The following LRP1 variants were observed in gnomAD, a reference collection of about 807,000 sequenced individuals.
LRP1 encodes prolow-density lipoprotein receptor-related protein 1.
A neutral mutation model predicts 541.5 loss-of-function variants in LRP1; 51 were observed. That is an observed-to-expected ratio of 0.09 (90% CI 0.08 to 0.12). The LOEUF is 0.12. Among genes scored for constraint, LRP1 ranks in the 10% least tolerant of loss-of-function variants. The pLI is 1.00. For missense variants in LRP1, 3,878 were observed against 6,376.2 expected (o/e 0.61, Z 13.34); for synonymous variants, 2,219 against 2,470.8 (o/e 0.90, Z 3.02).
Position 57,177,047 on chromosome 12 carries a change from C to G in LRP1, c.3998C>G (p.Thr1333Ser), listed in dbSNP as rs187549325. The change falls in exon 25 of 89, where the codon ACT becomes AGT. Residue 1333 changes from threonine to serine, a missense_variant. Transcript: ENST00000243077. This position sits in a 1 kb window ranked among gnomAD's most constrained non-coding sequence, Gnocchi z 6.8. ...RGKLLDNGAL[T>S]SFEVVIQYGL... The stretch of plus-strand genomic sequence containing the variant: ...ACTGCCCTCTCTTCTCCAGCCCTGA[C>G]TAGTTTCGAGGTGGTGATTCAGTAT... 6 of 1,613,862 alleles carry G rather than the reference C, an allele frequency of 3.7e-6. No homozygotes were observed. In the East Asian group the frequency reaches 8.9e-5, roughly 24 times the overall value.
At chr12:57,157,745 A>T (rs2035649436) in intron 10 of LRP1, among the ~76,000 whole-genome samples, 1 of 152,258 alleles carries the variant, frequency 6.6e-6, no homozygotes, top group African/African-American at 2.4e-5. Flanking sequence ...TCCCTGAGGG[A>T]GGAGCATGTC....
intron 45 of LRP1, 70 bp downstream of exon 45, chr12:57,193,040 T>G: frequency 6.3e-7 from 1 of 1,589,304 alleles, no homozygotes; most frequent in Admixed American, 1.7e-5. Context: ...CCATCTCCCC[T>G]ACATGCTCCA....
At chr12:57,180,535 T>A in intron 32 of LRP1, 56 bp downstream of exon 32, 1 of 1,609,044 alleles carries the variant, frequency 6.2e-7, no homozygotes, top group Admixed American at 1.7e-5. Context: ...CCAGACCTAC[T>A]GGGAGACAGG....
At chr12:57,194,810 C>A (rs752242787) in intron 50 of LRP1, 111 bp downstream of exon 50, 2 of 1,368,794 alleles carry the variant, frequency 1.5e-6, no homozygotes, top group Non-Finnish European at 2.0e-6. Context: ...CTTCAACCCC[C>A]TGCCCCACAC....
At chr12:57,208,335 C>G in intron 77 of LRP1, 119 bp downstream of exon 77, 1 of 1,100,932 alleles carries the variant, frequency 9.1e-7, no homozygotes, top group South Asian at 1.6e-5. Context: ...GGACAGAGTC[C>G]TTTTCAGTCC....
Position 57,173,813 on chromosome 12 carries a change from G to A in LRP1, c.3380G>A (p.Gly1127Asp). The change falls in exon 22 of 89, where the codon GGC (glycine) becomes GAC (aspartate). Residue 1127 changes from glycine (G) to aspartate (D), a missense_variant. Gly to Asp is a moderately conservative substitution (Grantham distance 94, BLOSUM62 -1). This residue lies in a region of LRP1 where 320 missense variants were observed against 547.9 expected (regional missense o/e 0.58). Transcript: ENST00000243077. This position sits in a 1 kb window ranked among gnomAD's most constrained non-coding sequence, Gnocchi z 4.7. ...ATCAGCAAAGCGTGGGTGTGTGATGGCGACAATGACTGTGAGGATAACTCG... is the reference window on the plus strand; with the variant it reads ...ATCAGCAAAGCGTGGGTGTGTGATGACGACAATGACTGTGAGGATAACTCG... ...RCISKAWVCD[G>D]DNDCEDNSDE... 3 of 1,614,230 alleles carry A rather than the reference G, an allele frequency of 1.9e-6. No homozygotes were observed. Among genetic ancestry groups the A allele is most frequent in the Non-Finnish European group, 1.7e-6 (2 of 1,180,048 alleles).
chr12:57,177,705 C>A lies in LRP1; in HGVS notation c.4361+114C>A, dbSNP rs776866437. The A allele has an allele frequency of 1.0e-5, 13 of 1,261,594 alleles. No individual in the cohort carries two copies. The highest frequency in any genetic ancestry group is 1.4e-5 in the Non-Finnish European group (13 of 913,144). The allele number at this position is 1,261,594 out of a possible 1,614,324, so 78.1% of individuals were successfully genotyped here. On this transcript the variant is annotated intron_variant, in intron 26 of 88. Coordinates refer to ENST00000243077, the MANE Select transcript of LRP1 (RefSeq NM_002332.3). The surrounding 1 kb of genome is among the most constrained non-coding windows in gnomAD (Gnocchi z 6.8). ...GGACCAAGGGATCTAGAACTAGGAACGGTGGCAAAGGACTGGGCACAGGAG... is the reference window on the plus strand; with the variant it reads ...GGACCAAGGGATCTAGAACTAGGAAAGGTGGCAAAGGACTGGGCACAGGAG...
intron 82 of LRP1, 31 bp from the exon 83 acceptor site, chr12:57,210,687 A>G: frequency 6.3e-7 from 1 of 1,592,044 alleles, no homozygotes; most frequent in South Asian, 1.1e-5. Context: ...CTCGAGGGCC[A>G]CAGTCGCGCT....
chr12:57,176,276 A>G (rs2036045167), intron 24 of LRP1, among the ~76,000 whole-genome samples, 170 bp downstream of exon 24: 1 of 152,260 alleles, frequency 6.6e-6, no homozygotes, highest in Non-Finnish European at 1.5e-5. Flanking sequence ...GACGCCCCGT[A>G]ATTATCGTCA....
chr12:57,154,303 A>C lies in LRP1; in HGVS notation c.937A>C (p.Thr313Pro). The C allele has an allele frequency of 6.2e-7, 1 of 1,614,218 alleles. No homozygotes were observed. Among genetic ancestry groups the C allele is most frequent in the Non-Finnish European group, 8.5e-7 (1 of 1,180,022 alleles). ...CTTTGTCTGCAACAGAAATGGGGAC[A>C]CATGTGTCACATTGCTAGACCTGGA... ...RIFVCNRNGD[T>P]CVTLLDLELY... Residue 313 changes from threonine to proline, a missense_variant, in exon 7 of 89, where the codon ACA (threonine) becomes CCA (proline). Thr to Pro is a conservative substitution (Grantham distance 38, BLOSUM62 -1). Around this residue, in one of 13 missense-constraint regions of LRP1, gnomAD observed 496 missense variants for 861.0 expected, o/e 0.58. Coordinates refer to ENST00000243077, the MANE Select transcript of LRP1 (RefSeq NM_002332.3). The surrounding 1 kb of genome is among the most constrained non-coding windows in gnomAD (Gnocchi z 4.6).
chr12:57,163,047 G>T, intron 15 of LRP1, 64 bp downstream of exon 15: 1 of 1,527,514 alleles, frequency 6.5e-7, no homozygotes, highest in East Asian at 2.4e-5. Context: ...CCGAAGAGTG[G>T]GGAGGGGAGG....
chr12:57,160,097 G>A (rs1272962859), intron 12 of LRP1, 92 bp downstream of exon 12: 37 of 1,322,026 alleles, frequency 2.8e-5, no homozygotes, highest in Non-Finnish European at 3.5e-5. Flanking sequence ...GCAGGGGAAG[G>A]CAGGTGAGGC....
chr12:57,202,903 C>T, intron 68 of LRP1: 2 of 570,266 alleles, frequency 3.5e-6, no homozygotes, highest in Non-Finnish European at 6.2e-6. Flanking sequence ...TGGTCTTGCC[C>T]CCGCTCCCCT....
At chr12:57,147,915 C>T (rs1345351596) in intron 6 of LRP1, among the ~76,000 whole-genome samples, 2 of 152,164 alleles carry the variant, frequency 1.3e-5, no homozygotes. Flanking sequence ...GTGTTATCCC[C>T]CTGGATTGGG....
chr12:57,165,589 C>T lies in LRP1; in HGVS notation c.2531-216C>T. 1.8e-6 allele frequency: 1 copy of T among 554,878 alleles called. No homozygotes were observed. Among genetic ancestry groups the T allele is most frequent in the Non-Finnish European group, 3.2e-6 (1 of 311,716 alleles). 34.4% of individuals were successfully genotyped at this position (554,878 alleles called of 1,614,324 possible). ...TTGATTCTCAGGTCACACTGAAGTA[C>T]AGTAAGCATTAAGTAGAGTAAACAT... On this transcript the variant is annotated intron_variant, in intron 15 of 88. Transcript: ENST00000243077. The surrounding 1 kb of genome is among the most constrained non-coding windows in gnomAD (Gnocchi z 4.5).
chr12:57,166,448 C>T lies in LRP1; in HGVS notation c.2797+239C>T, dbSNP rs1373127072. 1.6e-5 allele frequency: 8 copies of T among 493,192 alleles called. No individual in the cohort carries two copies. In the South Asian group the frequency reaches 2.0e-4, roughly 12 times the overall value. The allele number at this position is 493,192 out of a possible 1,614,324, so 30.6% of individuals were successfully genotyped here. On this transcript the variant is annotated intron_variant, in intron 17 of 88. Transcript: ENST00000243077. ...TGGTGGCGTGCACCTCTAGTCCCAG[C>T]TACTTGAGAGGCTGAGGTGGGAGGA...
chr12:57,204,095 C>A lies in LRP1; in HGVS notation c.10952-315C>A. On this transcript the variant is annotated intron_variant, in intron 70 of 88. Transcript: ENST00000243077. This position sits in a 1 kb window ranked among gnomAD's most constrained non-coding sequence, Gnocchi z 5.3. ...CAGCCCAGTGCTGTTCCCGCGTCCCCGCTGTGGAACTACACAGCCCAGTGC... is the reference window on the plus strand; with the variant it reads ...CAGCCCAGTGCTGTTCCCGCGTCCCAGCTGTGGAACTACACAGCCCAGTGC... The A allele has an allele frequency of 3.8e-6, 1 of 262,126 alleles. No individual in the cohort carries two copies. The highest frequency in any genetic ancestry group is 7.0e-5 in the East Asian group (1 of 14,210). The allele number at this position is 262,126 out of a possible 1,614,324, so 16.2% of individuals were successfully genotyped here.
rs1418003696 is a variant in LRP1 at position 57,197,052 on chromosome 12, C to T, written c.8963C>T (p.Thr2988Ile). The change falls in exon 56 of 89, where the codon ACC (threonine) becomes ATC (isoleucine). Residue 2988 changes from threonine to isoleucine, a missense_variant. Physicochemically the swap from Thr to Ile is moderately conservative, Grantham distance 89. This residue lies in a region of LRP1 where 1,100 missense variants were observed against 1,827.4 expected (regional missense o/e 0.60). Transcript: ENST00000243077. This position sits in a 1 kb window ranked among gnomAD's most constrained non-coding sequence, Gnocchi z 4.5. Reference sequence around the variant, plus strand: ...TGTGCTGATGTGGACGAGTGCAGCACCACCTTCCCCTGCAGCCAGCGCTGC... The same window carrying T: ...TGTGCTGATGTGGACGAGTGCAGCATCACCTTCCCCTGCAGCCAGCGCTGC... ...RTCADVDECS[T>I]TFPCSQRCIN... 2.5e-6 allele frequency: 4 copies of T among 1,614,058 alleles called. No individual in the cohort carries two copies. Among genetic ancestry groups the T allele is most frequent in the East Asian group, 4.5e-5 (2 of 44,882 alleles).
chr12:57,206,519 C>T lies in LRP1; in HGVS notation c.11637C>T (p.Arg3879=). The change falls in exon 76 of 89, where the codon CGC becomes CGT. Residue 3879 remains arginine, a synonymous_variant. Coordinates refer to ENST00000243077, the MANE Select transcript of LRP1 (RefSeq NM_002332.3). This position sits in a 1 kb window ranked among gnomAD's most constrained non-coding sequence, Gnocchi z 4.7. Reference sequence around the variant, plus strand: ...ACATCGCTGATGACAATGAGATCCGCAGCCTGTTCCCCGGCCACCCCCATT... The same window carrying T: ...ACATCGCTGATGACAATGAGATCCGTAGCCTGTTCCCCGGCCACCCCCATT... ...VLYIADDNEI[R]SLFPGHPHSA... 2 of 1,614,170 alleles carry T rather than the reference C, an allele frequency of 1.2e-6. No individual in the cohort carries two copies. Among genetic ancestry groups the T allele is most frequent in the East Asian group, 4.5e-5 (2 of 44,886 alleles).
Sources: allele counts gnomAD v4.1 joint callset (sites outside exome capture counted in the v4.1 genomes callset), GRCh38; gene constraint gnomAD v4.1.1; regional missense constraint gnomAD v4.1.1; non-coding constraint Gnocchi (gnomAD v3.1); transcripts MANE v1.5; gene names NCBI Gene and HGNC (gene_info 2026-07-23, HGNC 2026-07-21).